The following PHACTR3 variants were observed in gnomAD, a reference collection of about 807,000 sequenced individuals.
PHACTR3 encodes the protein protein phosphatase 1, regulatory subunit 123.
PHACTR3 carries 16 observed loss-of-function variants against 66.8 expected under a neutral mutation model. That is an observed-to-expected ratio of 0.24 (90% CI 0.16 to 0.36). The LOEUF (loss-of-function observed/expected upper bound fraction) is 0.36. Ranked by LOEUF, PHACTR3 falls within the 10% of genes least tolerant of loss-of-function variation. The pLI is 1.00. For synonymous variants in PHACTR3, 323 were observed against 292.1 expected (o/e 1.11, Z -1.08); for missense variants, 647 against 719.9 (o/e 0.90, Z 1.16).
intron 1 of PHACTR3, among the ~76,000 whole-genome samples, chr20:59,617,124 A>G (rs1432141926): frequency 2.0e-5 from 3 of 152,138 alleles, no homozygotes; most frequent in Non-Finnish European, 4.4e-5. Flanking sequence ...GTGTTGTTCC[A>G]GCTCCATCCT....
At chr20:59,742,399 C>T (rs1259172109) in intron 1 of PHACTR3, among the ~76,000 whole-genome samples, 1 of 152,200 alleles carries the variant, frequency 6.6e-6, no homozygotes, top group African/African-American at 2.4e-5. Context: ...CCAGAGTCTA[C>T]AAACATGGCC....
chr20:59,795,058 T>C (rs763932540), intron 7 of PHACTR3, among the ~76,000 whole-genome samples: 57 of 152,144 alleles, frequency 3.7e-4, no homozygotes, highest in Non-Finnish European at 1.2e-4. Flanking sequence ...GTTTGGTCTT[T>C]TCCTGGTTTC....
chr20:59,635,581 A>G (rs1194927292), intron 1 of PHACTR3, among the ~76,000 whole-genome samples: 1 of 152,138 alleles, frequency 6.6e-6, no homozygotes, highest in Admixed American at 6.5e-5. Context: ...GCATCTGTAA[A>G]TATAAAAATT....
Position 59,654,860 on chromosome 20 carries a change from C to T in PHACTR3, c.118+49728C>T, listed in dbSNP as rs144188947. Among the ~76,000 whole-genome samples the T allele has an allele frequency of 8.9e-3, 1,349 of 151,998 alleles. 21 individuals carry two copies. Among genetic ancestry groups the T allele is most frequent in the African/African-American group, 0.03 (1,241 of 41,500 alleles). On this transcript the variant is annotated intron_variant, in intron 1 of 12. Transcript: ENST00000371015. The stretch of plus-strand genomic sequence containing the variant: ...GTGTGTGTGTGTCTGGATTCCTTCA[C>T]TGAACATAATATTTTAGAAATTCAT...
chr20:59,764,372 C>T (rs1488313961), intron 4 of PHACTR3, among the ~76,000 whole-genome samples: 1 of 152,140 alleles, frequency 6.6e-6, no homozygotes, highest in Non-Finnish European at 1.5e-5. Context: ...ACCCTTGGAG[C>T]CTGGTTCAGA....
chr20:59,651,636 T>C (rs1448423322), intron 1 of PHACTR3, among the ~76,000 whole-genome samples: 1 of 152,144 alleles, frequency 6.6e-6, no homozygotes, highest in Non-Finnish European at 1.5e-5. Context: ...TAGCAAAGTG[T>C]TGGAAACAAT....
intron 1 of PHACTR3, among the ~76,000 whole-genome samples, chr20:59,703,051 T>C (rs1358271855): frequency 3.3e-5 from 5 of 152,230 alleles, no homozygotes; most frequent in African/African-American, 4.8e-5. Context: ...TCATCTATTC[T>C]AGCCTTTGAA....
chr20:59,622,910 A>G (rs1452392188), intron 1 of PHACTR3, among the ~76,000 whole-genome samples: 1 of 145,000 alleles, frequency 6.9e-6, no homozygotes, highest in Non-Finnish European at 1.5e-5. Context: ...CTGGGCTAAT[A>G]TGTAATCCCA....
At chr20:59,678,758 T>C (rs2036539173) in intron 1 of PHACTR3, among the ~76,000 whole-genome samples, 1 of 152,220 alleles carries the variant, frequency 6.6e-6, no homozygotes, top group Non-Finnish European at 1.5e-5. Context: ...CAAAACACAA[T>C]TGATCCTTTG....
At chr20:59,742,649 C>T (rs776155771) in intron 1 of PHACTR3, among the ~76,000 whole-genome samples, 13 of 151,988 alleles carry the variant, frequency 8.6e-5, no homozygotes, top group Non-Finnish European at 1.6e-4. Flanking sequence ...GCTTCATGGG[C>T]GTAAGACAAG....
At chr20:59,776,905 C>T (rs1298697112) in intron 7 of PHACTR3, among the ~76,000 whole-genome samples, 2 of 152,230 alleles carry the variant, frequency 1.3e-5, no homozygotes, top group African/African-American at 4.8e-5. Flanking sequence ...GCCTCCTGCT[C>T]AGCCAGGTGG....
intron 1 of PHACTR3, among the ~76,000 whole-genome samples, chr20:59,606,875 C>T (rs577445123): frequency 1.1e-4 from 17 of 152,218 alleles, no homozygotes; most frequent in African/African-American, 3.9e-4. Flanking sequence ...AAATGGGACC[C>T]AGAGAACAGG....
chr20:59,594,571 A>G (rs548987405), intron 1 of PHACTR3, among the ~76,000 whole-genome samples: 4 of 152,322 alleles, frequency 2.6e-5, no homozygotes, highest in South Asian at 2.1e-4. Context: ...ATTTGTGGAC[A>G]TAGAATTGTT....
chr20:59,728,211 GA>G (rs1381188730), intron 1 of PHACTR3, among the ~76,000 whole-genome samples: 1 of 152,056 alleles, frequency 6.6e-6, no homozygotes, highest in African/African-American at 2.4e-5. Flanking sequence ...CTGCCTTGTT[GA>G]GTGGTCTTCT....
intron 7 of PHACTR3, among the ~76,000 whole-genome samples, chr20:59,805,159 C>A (rs559053962): frequency 6.6e-6 from 1 of 152,182 alleles, no homozygotes; most frequent in African/African-American, 2.4e-5. Flanking sequence ...ACTCTGCCTG[C>A]GAAAGAGCTA....
intron 1 of PHACTR3, among the ~76,000 whole-genome samples, chr20:59,703,755 T>C (rs2037595178): frequency 6.6e-6 from 1 of 152,070 alleles, no homozygotes; most frequent in Non-Finnish European, 1.5e-5. Flanking sequence ...CAGTCAGAGT[T>C]CTTGTCTGTC....
rs563718030 is a variant in PHACTR3 at position 59,832,056 on chromosome 20, G to A, written c.1329-4449G>A. ...GCCTGGGCCTGACTCTCTGTGCTGG[G>A]AGAATGCTTCCTGGGCCTCATCCCA... On this transcript the variant is annotated intron_variant, in intron 8 of 12. Transcript: ENST00000371015. Among the ~76,000 whole-genome samples, 368 of 152,280 alleles carry A rather than the reference G, an allele frequency of 2.4e-3. 1 individual carries two copies. The highest frequency in any genetic ancestry group is 4.2e-3 in the Non-Finnish European group (284 of 68,022).
At chr20:59,744,502 G>T (rs568107818) in intron 2 of PHACTR3, among the ~76,000 whole-genome samples, 1 of 152,302 alleles carries the variant, frequency 6.6e-6, no homozygotes, top group South Asian at 2.1e-4. Flanking sequence ...TGCCTCGGGG[G>T]GTCCCTGGGG....
intron 7 of PHACTR3, among the ~76,000 whole-genome samples, chr20:59,775,843 C>T (rs187409672): frequency 3.9e-5 from 6 of 152,324 alleles, no homozygotes; most frequent in African/African-American, 2.4e-5. Context: ...GGCTAGAGCA[C>T]GGTCCCTCAG....
Sources: allele counts gnomAD v4.1 joint callset (sites outside exome capture counted in the v4.1 genomes callset), GRCh38; gene constraint gnomAD v4.1.1; transcripts MANE v1.5; gene names NCBI Gene and HGNC (gene_info 2026-07-23, HGNC 2026-07-21).